The following DOCK1 variants were observed in gnomAD, a reference collection of about 807,000 sequenced individuals.
DOCK1 encodes the protein dedicator of cytokinesis 1.
In DOCK1, 138 loss-of-function variants were observed where a neutral mutation model predicts 262.7. The observed-to-expected ratio is 0.53, with a 90% CI of 0.46 to 0.61. DOCK1 has a LOEUF of 0.61. Ranked by LOEUF, DOCK1 falls within the 20% of genes least tolerant of loss-of-function variation. The pLI, the probability that DOCK1 is intolerant of heterozygous loss-of-function variation, is 0.00. For missense variants in DOCK1, 1,908 were observed against 2,370.7 expected (o/e 0.80, Z 4.05); for synonymous variants, 866 against 867.4 (o/e 1.00, Z 0.03).
In DOCK1 at chr10:127,129,164, C is replaced by T. The variant is rs146109894; in HGVS notation, c.2847+1400C>T. 5.9e-3 allele frequency among the ~76,000 whole-genome samples: 901 copies of T among 152,220 alleles called. 7 individuals are homozygous for T. Among genetic ancestry groups the T allele is most frequent in the Admixed American group, 0.013 (196 of 15,296 alleles). ...CGTGTCGTGTGCGTCACAGACAGGT[C>T]GCACAGATGGACAAATGCTGCCTTA... On this transcript the variant is annotated intron_variant, in intron 27 of 51. Coordinates refer to ENST00000623213, the MANE Select transcript of DOCK1 (RefSeq NM_001290223.2).
intron 29 of DOCK1, among the ~76,000 whole-genome samples, chr10:127,261,310 T>C (rs575251038): frequency 0.067 from 3,448 of 51,218 alleles, 233 homozygotes; most frequent in East Asian, 0.14. Context: ...TGTGTGTGTG[T>C]GCCTGCATGT....
In DOCK1 at chr10:127,146,458, A is replaced by G. The variant is rs980832351; in HGVS notation, c.2847+18694A>G. Among the ~76,000 whole-genome samples the G allele has an allele frequency of 3.9e-5, 6 of 152,168 alleles. No homozygotes were observed. In the East Asian group the frequency reaches 1.2e-3, roughly 29 times the overall value. On this transcript the variant is annotated intron_variant, in intron 27 of 51. Coordinates refer to ENST00000623213, the MANE Select transcript of DOCK1 (RefSeq NM_001290223.2). Reference sequence around the variant, plus strand: ...TTGGATTTCAAATAGAAAAGAAAAAACTTGGATTATTAGCTTTGGGAATTT... The same window carrying G: ...TTGGATTTCAAATAGAAAAGAAAAAGCTTGGATTATTAGCTTTGGGAATTT...
chr10:127,252,160 G>GT lies in DOCK1; in HGVS notation c.2949+4057dup, dbSNP rs2059673693. On this transcript the variant is annotated intron_variant, in intron 28 of 51. Coordinates refer to ENST00000623213, the MANE Select transcript of DOCK1 (RefSeq NM_001290223.2). Reference sequence around the variant, plus strand: ...AGTGATGGTGAGCATTTTTTCATGTGTTTTTTGGCTGCATAAATGTCTTCT... The same window carrying GT: ...AGTGATGGTGAGCATTTTTTCATGTGTTTTTTTGGCTGCATAAATGTCTTCT... 3.5e-5 allele frequency among the ~76,000 whole-genome samples: 5 copies of GT among 141,386 alleles called. No individual in the cohort carries two copies. In the South Asian group the frequency reaches 1.3e-3, roughly 38 times the overall value. 92.8% of individuals were successfully genotyped at this position (141,386 alleles called of 152,430 possible).
chr10:127,253,880 A>C (rs2059743341), intron 28 of DOCK1, among the ~76,000 whole-genome samples: 1 of 150,028 alleles, frequency 6.7e-6, no homozygotes, highest in African/African-American at 2.5e-5. Context: ...GTCTCAAAAA[A>C]AAAAAAAAAA....
Position 127,406,111 on chromosome 10 carries a change from C to A in DOCK1, c.4122+1682C>A, listed in dbSNP as rs568104461. On this transcript the variant is annotated intron_variant, in intron 40 of 51. Coordinates refer to ENST00000623213, the MANE Select transcript of DOCK1 (RefSeq NM_001290223.2). ...AAAGGGAGGCAGGTGGACCCTAAGCCATGCAGCCTTGTGCAGTGCTTGGTG... is the reference window on the plus strand; with the variant it reads ...AAAGGGAGGCAGGTGGACCCTAAGCAATGCAGCCTTGTGCAGTGCTTGGTG... Among the ~76,000 whole-genome samples the A allele has an allele frequency of 4.6e-5, 7 of 152,258 alleles. No homozygotes were observed. In the East Asian group the frequency reaches 1.4e-3, roughly 29 times the overall value.
chr10:127,075,345 C>T (rs2046463445), intron 23 of DOCK1, among the ~76,000 whole-genome samples: 1 of 152,048 alleles, frequency 6.6e-6, no homozygotes. Flanking sequence ...AATCTTGGCT[C>T]ACTGTAGCCT....
At chr10:127,229,919 A>G (rs927922142) in intron 27 of DOCK1, among the ~76,000 whole-genome samples, 1 of 152,194 alleles carries the variant, frequency 6.6e-6, no homozygotes, top group Admixed American at 6.5e-5. Flanking sequence ...GATAGTAGCC[A>G]TTCTAACAGG....
chr10:127,355,987 G>A (rs1013873855), intron 32 of DOCK1, among the ~76,000 whole-genome samples: 1 of 152,240 alleles, frequency 6.6e-6, no homozygotes, highest in African/African-American at 2.4e-5. Context: ...CTGTCTGCCT[G>A]TGCCCTCCCA....
At position 127,362,006 on chromosome 10, in the gene DOCK1, G is replaced by A. The variant is rs2064484416; in HGVS notation, c.3284-58G>A. ...GTGTTGTGTTGTTTTATCCATTTAA[G>A]CCCATTTTAGAATTCTATTTTTCTT... On this transcript the variant is annotated intron_variant, in intron 32 of 51. Coordinates refer to ENST00000623213, the MANE Select transcript of DOCK1 (RefSeq NM_001290223.2). 5.3e-6 allele frequency: 8 copies of A among 1,502,212 alleles called. No individual in the cohort carries two copies. The East Asian group carries it at 1.7e-4, about 31-fold the overall frequency. The allele number at this position is 1,502,212 out of a possible 1,614,324, so 93.1% of individuals were successfully genotyped here. A position where few individuals can be genotyped will look rare whatever the true frequency, so the allele number is the denominator to read the frequency against.
At chr10:127,313,434 A>G (rs117876057) in intron 29 of DOCK1, among the ~76,000 whole-genome samples, 280 of 152,332 alleles carry the variant, frequency 1.8e-3, no homozygotes, top group Non-Finnish European at 3.2e-3. Context: ...AGGGAACAGC[A>G]TTTAAGCCAT....
chr10:127,047,887 A>G (rs1361687627), intron 21 of DOCK1, among the ~76,000 whole-genome samples: 1 of 152,160 alleles, frequency 6.6e-6, no homozygotes, highest in Non-Finnish European at 1.5e-5. Context: ...TTGTATGAAT[A>G]TTTCATGATT....
intron 27 of DOCK1, among the ~76,000 whole-genome samples, chr10:127,188,776 A>G (rs926572233): frequency 1.6e-4 from 24 of 152,244 alleles, no homozygotes; most frequent in African/African-American, 5.5e-4. Context: ...AGCACAAGCT[A>G]GGTACCGTTC....
chr10:127,084,020 A>T (rs1236355051), intron 23 of DOCK1, among the ~76,000 whole-genome samples: 1 of 152,318 alleles, frequency 6.6e-6, no homozygotes, highest in Admixed American at 6.5e-5. Context: ...ATGGGTCTAA[A>T]TCCTTCTAAA....
intron 29 of DOCK1, among the ~76,000 whole-genome samples, chr10:127,258,635 T>C (rs2134966278): frequency 6.6e-6 from 1 of 152,278 alleles, no homozygotes; most frequent in African/African-American, 2.4e-5. Context: ...TGAACATGAG[T>C]TCGGTTCTGT....
chr10:127,451,526 T>G lies in DOCK1; in HGVS notation c.*99T>G, dbSNP rs1323473575. 5.2e-6 allele frequency: 8 copies of G among 1,532,978 alleles called. No individual in the cohort carries two copies. Among genetic ancestry groups the G allele is most frequent in the Non-Finnish European group, 7.0e-6 (8 of 1,140,848 alleles). The allele number at this position is 1,532,978 out of a possible 1,614,324, so 95.0% of individuals were successfully genotyped here. ...TCTGCTGTTTACCTCATTGGGCCTG[T>G]GATGTTAACATTTCGTGCGACTGCT... On this transcript the variant is annotated 3_prime_UTR_variant, in exon 52 of 52. Coordinates refer to ENST00000623213, the MANE Select transcript of DOCK1 (RefSeq NM_001290223.2).
intron 27 of DOCK1, among the ~76,000 whole-genome samples, chr10:127,226,948 T>A (rs1466537837): frequency 1.3e-5 from 2 of 152,062 alleles, no homozygotes; most frequent in Non-Finnish European, 2.9e-5. Context: ...ACACCACTGC[T>A]CCTTTAAAGG....
At chr10:127,049,968 C>CT (rs71941085) in intron 21 of DOCK1, among the ~76,000 whole-genome samples, 6,175 of 100,046 alleles carry the variant, frequency 0.062, 351 homozygotes, top group African/African-American at 0.11. Flanking sequence ...AAACTGGCCT[C>CT]TTTTTTTTTT....
chr10:127,067,677 T>G (rs1000338933), intron 23 of DOCK1, among the ~76,000 whole-genome samples: 1 of 152,118 alleles, frequency 6.6e-6, no homozygotes, highest in Non-Finnish European at 1.5e-5. Context: ...AAAAAAAAAT[T>G]GCTGGTTGAC....
At chr10:127,071,912 A>G (rs182997815) in intron 23 of DOCK1, among the ~76,000 whole-genome samples, 5 of 152,288 alleles carry the variant, frequency 3.3e-5, no homozygotes, top group South Asian at 4.1e-4. Flanking sequence ...AATTCTAGGC[A>G]CTTGCTTGCC....
Sources: gnomAD v4.1 joint callset for allele counts (sites outside exome capture counted in the v4.1 genomes callset) on GRCh38, gnomAD v4.1.1 for gene constraint, MANE v1.5 for transcripts, NCBI Gene and HGNC (gene_info 2026-07-23, HGNC 2026-07-21) for gene names.